The following RAP1A variants were observed in gnomAD, a reference collection of about 807,000 sequenced individuals.
RAP1A encodes RAP1A, member of RAS oncogene family.
A neutral mutation model predicts 26.4 loss-of-function variants in RAP1A; 6 were observed. The observed-to-expected ratio is 0.23, with a 90% CI of 0.12 to 0.45. The LOEUF is 0.45. Among genes scored for constraint, RAP1A ranks in the 20% least tolerant of loss-of-function variants. The pLI is 0.99. For synonymous variants in RAP1A, 73 were observed against 79.4 expected (o/e 0.92, Z 0.43); for missense variants, 121 against 217.2 (o/e 0.56, Z 2.78).
chr1:111,554,779 G>A (rs1261559153), intron 1 of RAP1A, among the ~76,000 whole-genome samples: 1 of 152,086 alleles, frequency 6.6e-6, no homozygotes, highest in African/African-American at 2.4e-5. Flanking sequence ...ATTCAGGTTG[G>A]TAGACCCCAA....
intron 1 of RAP1A, among the ~76,000 whole-genome samples, chr1:111,594,008 T>G (rs1658517588): frequency 6.6e-6 from 1 of 152,152 alleles, no homozygotes; most frequent in Non-Finnish European, 1.5e-5. Context: ...GGGACTAGCT[T>G]ACAAACAGAG....
At chr1:111,564,514 T>A (rs1270585352) in intron 1 of RAP1A, among the ~76,000 whole-genome samples, 1 of 20,856 alleles carries the variant, frequency 4.8e-5, no homozygotes, top group Non-Finnish European at 8.9e-5. Context: ...CCCCAACTCT[T>A]TTTTTTTTTT....
At chr1:111,660,234 C>T (rs1399640715) in intron 1 of RAP1A, among the ~76,000 whole-genome samples, 5 of 152,184 alleles carry the variant, frequency 3.3e-5, no homozygotes, top group Non-Finnish European at 5.9e-5. Context: ...ACTTCACTCT[C>T]TTCTTGCTTT....
Position 111,619,797 on chromosome 1 carries a change from T to TCCCGAGGCCCCTGCCGCCGCC in RAP1A, c.-164_-144dup. The TCCCGAGGCCCCTGCCGCCGCC allele has an allele frequency of 7.6e-6, 3 of 397,166 alleles. No individual in the cohort carries two copies. Among genetic ancestry groups the TCCCGAGGCCCCTGCCGCCGCC allele is most frequent in the Non-Finnish European group, 8.9e-6 (2 of 225,626 alleles). The allele number at this position is 397,166 out of a possible 1,614,324, so 24.6% of individuals were successfully genotyped here. Reference sequence around the variant, plus strand: ...GTTCTGGAGGAGGCGCCGCCGCCGCTCCCGAGGCCCCTGCCGCCGCCGCTC... The same window carrying TCCCGAGGCCCCTGCCGCCGCC: ...GTTCTGGAGGAGGCGCCGCCGCCGCTCCCGAGGCCCCTGCCGCCGCCCCCGAGGCCCCTGCCGCCGCCGCTC... On this transcript the variant is annotated 5_prime_UTR_variant, in exon 1 of 8. Coordinates refer to ENST00000369709, the MANE Select transcript of RAP1A (RefSeq NM_002884.4).
chr1:111,704,515 CA>C, intron 6 of RAP1A, 29 bp downstream of exon 6: 1 of 1,552,204 alleles, frequency 6.4e-7, no homozygotes, highest in Non-Finnish European at 8.7e-7. Context: ...GCAGCACAAA[CA>C]AGTGCCTTTT....
chr1:111,667,346 T>C (rs1023006619), intron 1 of RAP1A, among the ~76,000 whole-genome samples: 4 of 152,212 alleles, frequency 2.6e-5, no homozygotes, highest in Non-Finnish European at 4.4e-5. Flanking sequence ...TAACTAATAT[T>C]CATAATTTTA....
At chr1:111,623,784 C>T (rs139487528) in intron 1 of RAP1A, among the ~76,000 whole-genome samples, 1 of 152,256 alleles carries the variant, frequency 6.6e-6, no homozygotes, top group African/African-American at 2.4e-5. Flanking sequence ...AAAACTATAC[C>T]ACTGTGAGGG....
intron 1 of RAP1A, among the ~76,000 whole-genome samples, chr1:111,683,003 G>A (rs1288782677): frequency 6.6e-6 from 1 of 152,152 alleles, no homozygotes; most frequent in Non-Finnish European, 1.5e-5. Flanking sequence ...TAGAACTCAG[G>A]ATTAAGAAAC....
chr1:111,592,502 T>C (rs941794853), intron 1 of RAP1A, among the ~76,000 whole-genome samples: 1 of 152,212 alleles, frequency 6.6e-6, no homozygotes, highest in Non-Finnish European at 1.5e-5. Flanking sequence ...ATTTCTATCA[T>C]GTTCTGTAGG....
At chr1:111,703,184 T>C in intron 4 of RAP1A, 152 bp from the exon 5 acceptor site, 1 of 461,914 alleles carries the variant, frequency 2.2e-6, no homozygotes, top group Non-Finnish European at 3.7e-6. Flanking sequence ...TCTAGTCACC[T>C]CAGTTGCTAG....
At chr1:111,635,616 G>A (rs1375822107) in intron 1 of RAP1A, among the ~76,000 whole-genome samples, 1 of 152,082 alleles carries the variant, frequency 6.6e-6, no homozygotes, top group African/African-American at 2.4e-5. Context: ...CCAGGGTGGA[G>A]TTCAGTGGCT....
intron 1 of RAP1A, among the ~76,000 whole-genome samples, chr1:111,576,963 A>G (rs987993352): frequency 3.3e-5 from 5 of 152,220 alleles, no homozygotes; most frequent in African/African-American, 4.8e-5. Context: ...GGTCCCTTCC[A>G]GGTACCTGAC....
chr1:111,577,554 T>C (rs1245065238), intron 1 of RAP1A, among the ~76,000 whole-genome samples: 1 of 152,032 alleles, frequency 6.6e-6, no homozygotes, highest in East Asian at 1.9e-4. Flanking sequence ...AATTTCTCCA[T>C]AAACAGATTT....
intron 1 of RAP1A, chr1:111,563,861 A>C (rs1657843619): frequency 3.7e-6 from 6 of 1,612,968 alleles, no homozygotes; most frequent in African/African-American, 1.3e-5. Context: ...CTCAGGACTC[A>C]AGCAGCCCAG....
intron 1 of RAP1A, among the ~76,000 whole-genome samples, chr1:111,570,563 G>T (rs1415893795): frequency 6.6e-6 from 1 of 152,076 alleles, no homozygotes; most frequent in African/African-American, 2.4e-5. Context: ...AGTCCATTTT[G>T]TGCTGCTATA....
intron 1 of RAP1A, among the ~76,000 whole-genome samples, chr1:111,555,156 A>G (rs1657431060): frequency 6.6e-6 from 1 of 152,044 alleles, no homozygotes; most frequent in Non-Finnish European, 1.5e-5. Flanking sequence ...AGTTGAGGCC[A>G]GGAGTTCGAG....
At chr1:111,656,032 CAAAG>C (rs887534418) in intron 1 of RAP1A, among the ~76,000 whole-genome samples, 2 of 151,268 alleles carry the variant, frequency 1.3e-5, no homozygotes, top group African/African-American at 2.4e-5. Context: ...GAATATAAGA[CAAAG>C]AAAAAAATGA....
At chr1:111,653,316 T>G (rs1660334673) in intron 1 of RAP1A, among the ~76,000 whole-genome samples, 1 of 152,042 alleles carries the variant, frequency 6.6e-6, no homozygotes, top group Non-Finnish European at 1.5e-5. Flanking sequence ...ATGAAAATAT[T>G]CAGAAATTAG....
chr1:111,545,671 T>C (rs569856739), intron 1 of RAP1A, among the ~76,000 whole-genome samples: 1 of 152,174 alleles, frequency 6.6e-6, no homozygotes, highest in Non-Finnish European at 1.5e-5. Flanking sequence ...TTGTGCTTTT[T>C]GTGTCATATT....
Sources: allele counts gnomAD v4.1 joint callset (sites outside exome capture counted in the v4.1 genomes callset), GRCh38; gene constraint gnomAD v4.1.1; transcripts MANE v1.5; gene names NCBI Gene and HGNC (gene_info 2026-07-23, HGNC 2026-07-21).